The following ANP32E variants were observed in gnomAD, a reference collection of about 807,000 sequenced individuals.
ANP32E encodes acidic leucine-rich nuclear phosphoprotein 32 family member E.
ANP32E carries 14 observed loss-of-function variants against 35.3 expected under a neutral mutation model. That is an observed-to-expected ratio of 0.40 (90% CI 0.26 to 0.62). The LOEUF (loss-of-function observed/expected upper bound fraction) is 0.62, where lower values mean the gene tolerates loss of function less well. Ranked by LOEUF, ANP32E falls within the 20% of genes least tolerant of loss-of-function variation. The pLI, the probability that ANP32E is intolerant of heterozygous loss-of-function variation, is 0.45. For synonymous variants in ANP32E, 89 were observed against 110.4 expected (o/e 0.81, Z 1.22); for missense variants, 198 against 304.4 (o/e 0.65, Z 2.60).
At chr1:150,228,434 G>T (rs1273045145) in intron 4 of ANP32E, among the ~76,000 whole-genome samples, 2 of 152,134 alleles carry the variant, frequency 1.3e-5, no homozygotes, top group Non-Finnish European at 2.9e-5. Context: ...GCTCACGCTG[G>T]TAATCCCAGC....
At position 150,235,729 on chromosome 1, in the gene ANP32E, T is replaced by A; in HGVS notation, c.54+4A>T. The A allele has an allele frequency of 6.2e-7, 1 of 1,613,462 alleles. No individual in the cohort carries two copies. Among genetic ancestry groups the A allele is most frequent in the Non-Finnish European group, 8.5e-7 (1 of 1,179,748 alleles). On this transcript the variant is annotated splice_donor_region_variant and intron_variant, in intron 1 of 6. Transcript: ENST00000583931. The surrounding 1 kb of genome is among the most constrained non-coding windows in gnomAD (Gnocchi z 4.2). Reference sequence around the variant, plus strand: ...GGGAAGCGGTGGGGGCTGAGTCATCTCACCTCCTCCGGGGATCTGTTCCTT... The same window carrying A: ...GGGAAGCGGTGGGGGCTGAGTCATCACACCTCCTCCGGGGATCTGTTCCTT...
rs1368657683 is a variant in ANP32E at position 150,226,738 on chromosome 1, T to C, written c.551A>G (p.Tyr184Cys). 2 of 1,589,564 alleles carry C rather than the reference T, an allele frequency of 1.3e-6. No individual in the cohort carries two copies. Among genetic ancestry groups the C allele is most frequent in the Admixed American group, 1.7e-5 (1 of 59,582 alleles). The change falls in exon 5 of 7, where the codon TAT (tyrosine) becomes TGT (cysteine). Residue 184 changes from tyrosine (Y) to cysteine (C), a missense_variant. Physicochemically the swap from Tyr to Cys is radical, Grantham distance 194 (BLOSUM62 -2). Around this residue, in one of 4 missense-constraint regions of ANP32E, gnomAD observed 121 missense variants for 137.3 expected, o/e 0.88. Transcript: ENST00000583931. ...TTCCTCTTCCTCCTCCTCTTCCTCATATCCTTCCGGTGGACCAGCTTCATT... is the reference window on the plus strand; with the variant it reads ...TTCCTCTTCCTCCTCCTCTTCCTCACATCCTTCCGGTGGACCAGCTTCATT... ...EENEAGPPEG[Y>C]EEEEEEEEEE...
chr1:150,220,748 A>G lies in ANP32E; in HGVS notation c.750T>C (p.Leu250=). 1 of 1,613,854 alleles carries G rather than the reference A, an allele frequency of 6.2e-7. No individual in the cohort carries two copies. The highest frequency in any genetic ancestry group is 8.5e-7 in the Non-Finnish European group (1 of 1,179,874). ...EEEEEEEEGG[L]RGEKRKRDAE... Reference sequence around the variant, plus strand: ...CATCTCGTTTCCTCTTCTCCCCTCGAAGACCTCCTTCTTCTTAAAGAGTGG... The same window carrying G: ...CATCTCGTTTCCTCTTCTCCCCTCGGAGACCTCCTTCTTCTTAAAGAGTGG... The change falls in exon 7 of 7, where the codon CTT becomes CTC. Residue 250 remains leucine (L), a synonymous_variant. Coordinates refer to ENST00000583931, the MANE Select transcript of ANP32E (RefSeq NM_030920.5).
chr1:150,223,116 C>T, intron 6 of ANP32E, 70 bp downstream of exon 6: 1 of 1,425,366 alleles, frequency 7.0e-7, no homozygotes, highest in Non-Finnish European at 9.5e-7. Flanking sequence ...GTATGAAATA[C>T]AAATAAATAA....
intron 4 of ANP32E, among the ~76,000 whole-genome samples, chr1:150,228,025 G>C (rs1553840577): frequency 6.6e-6 from 1 of 151,110 alleles, no homozygotes; most frequent in Non-Finnish European, 1.5e-5. Context: ...TCTACTTTCT[G>C]TCTCAATGGA....
Position 150,235,774 on chromosome 1 carries a change from T to C in ANP32E, c.13A>G (p.Lys5Glu). 1.2e-6 allele frequency: 2 copies of C among 1,605,424 alleles called. No individual in the cohort carries two copies. The highest frequency in any genetic ancestry group is 1.7e-6 in the Non-Finnish European group (2 of 1,175,518). The change falls in exon 1 of 7, where the codon AAG (lysine) becomes GAG (glutamate). Residue 5 changes from lysine (K) to glutamate (E), a missense_variant. By Grantham distance (56) the Lys-to-Glu change is moderately conservative. Transcript: ENST00000583931. This position sits in a 1 kb window ranked among gnomAD's most constrained non-coding sequence, Gnocchi z 4.2. ...TTCCTTAACTCCAGGTTAATCTTCT[T>C]CTTCATCTCCATGTCCTCCTCTTGC... MEMK[K>E]KINLELRNRS...
At chr1:150,227,806 T>TTTTTTTTTTTTTTTTTTTTTTTTTTTTG (rs1553840516) in intron 4 of ANP32E, among the ~76,000 whole-genome samples, 1 of 142,370 alleles carries the variant, frequency 7.0e-6, no homozygotes, top group Non-Finnish European at 1.6e-5. Context: ...AATTTCTTTT[T>TTTTTTTTTTTTTTTTTTTTTTTTTTTTG]ACGATGAAGA....
In ANP32E at chr1:150,220,063, T is replaced by C. The variant is rs1256270322; in HGVS notation, c.*628A>G. 6.6e-6 allele frequency: 1 copy of C among 152,160 alleles called. No homozygotes were observed. The highest frequency in any genetic ancestry group is 1.5e-5 in the Non-Finnish European group (1 of 68,036). 9.4% of individuals were successfully genotyped at this position (152,160 alleles called of 1,614,324 possible). A position where few individuals can be genotyped will look rare whatever the true frequency, so the allele number is the denominator to read the frequency against. On this transcript the variant is annotated 3_prime_UTR_variant, in exon 7 of 7. Coordinates refer to ENST00000583931, the MANE Select transcript of ANP32E (RefSeq NM_030920.5). ...TTTTTCCTTCAAAAATAAAATCTTA[T>C]CAGTCACCACTAAATCCATGAACCA... is the stretch of plus-strand genomic sequence containing the variant.
chr1:150,234,934 G>A (rs1553842858), intron 1 of ANP32E, among the ~76,000 whole-genome samples: 1 of 152,346 alleles, frequency 6.6e-6, no homozygotes, highest in East Asian at 1.9e-4. Context: ...TTTAAAGCAC[G>A]AAACTACTAC....
intron 1 of ANP32E, among the ~76,000 whole-genome samples, chr1:150,232,615 C>T (rs928441087): frequency 6.6e-6 from 1 of 151,180 alleles, no homozygotes; most frequent in Non-Finnish European, 1.5e-5. Flanking sequence ...GGATTACAGG[C>T]GTATGCCACC....
chr1:150,229,264 T>C, intron 3 of ANP32E, 27 bp from the exon 4 acceptor site: 4 of 1,331,600 alleles, frequency 3.0e-6, no homozygotes, highest in South Asian at 1.3e-5. Flanking sequence ...AAAACTTACA[T>C]TCAAGATTTA....
intron 5 of ANP32E, among the ~76,000 whole-genome samples, chr1:150,224,306 G>A (rs782089385): frequency 6.6e-6 from 1 of 152,070 alleles, no homozygotes; most frequent in African/African-American, 2.4e-5. Flanking sequence ...CAGGTGCAGC[G>A]GCTCACCTGT....
intron 3 of ANP32E, 50 bp from the exon 4 acceptor site, chr1:150,229,287 A>AT: frequency 5.0e-6 from 3 of 595,250 alleles, no homozygotes; most frequent in Admixed American, 4.8e-5. Context: ...ATACCATGTT[A>AT]TTTCTTTTTT....
intron 1 of ANP32E, chr1:150,234,579 G>A (rs1649626636): frequency 1.1e-5 from 11 of 985,372 alleles, no homozygotes; most frequent in Non-Finnish European, 1.3e-5. Context: ...ACTCCCTTAC[G>A]TTCCAATTCT....
At chr1:150,226,544 T>C (rs1648888347) in intron 5 of ANP32E, 64 bp downstream of exon 5, 1 of 1,567,538 alleles carries the variant, frequency 6.4e-7, no homozygotes, top group East Asian at 2.3e-5. Flanking sequence ...AAACACACTT[T>C]ATATAGTACT....
intron 4 of ANP32E, 131 bp from the exon 5 acceptor site, chr1:150,226,926 C>T: frequency 6.2e-6 from 6 of 966,898 alleles, no homozygotes; most frequent in South Asian, 2.5e-5. Flanking sequence ...CACAGCGATA[C>T]TTTTTTTTTT....
At chr1:150,229,934 G>A (rs1649223613) in intron 3 of ANP32E, among the ~76,000 whole-genome samples, 1 of 152,294 alleles carries the variant, frequency 6.6e-6, no homozygotes, top group Admixed American at 6.5e-5. Context: ...TTTAATTTAT[G>A]ATCCAGAAAA....
At chr1:150,221,089 T>TG (rs1198280245) in intron 6 of ANP32E, among the ~76,000 whole-genome samples, 1 of 106,560 alleles carries the variant, frequency 9.4e-6, no homozygotes, top group African/African-American at 3.8e-5. Flanking sequence ...CACTCCAGCC[T>TG]GGGCAACCGA....
intron 6 of ANP32E, 94 bp from the exon 7 acceptor site, chr1:150,220,855 C>G (rs1015547516): frequency 2.7e-5 from 30 of 1,091,772 alleles, no homozygotes; most frequent in Non-Finnish European, 3.9e-5. Flanking sequence ...AATGGCAAGG[C>G]CTAGCACGGT....
Sources: gnomAD v4.1 joint callset for allele counts (sites outside exome capture counted in the v4.1 genomes callset) on GRCh38, gnomAD v4.1.1 for gene constraint, gnomAD v4.1.1 regional missense constraint, Gnocchi (gnomAD v3.1) non-coding constraint, MANE v1.5 for transcripts, NCBI Gene and HGNC (gene_info 2026-07-23, HGNC 2026-07-21) for gene names.